The following NINL variants were observed in gnomAD, a reference collection of about 807,000 sequenced individuals.
NINL encodes the protein ninein like, also known as ninein-like protein.
Under a neutral mutation model 160.3 loss-of-function variants are expected in NINL, and 153 were observed. The ratio of observed to expected loss-of-function variants is 0.95; its 90% CI spans 0.84 to 1.09. NINL has a LOEUF of 1.09. NINL is among the 50% of genes least tolerant of loss of function. The pLI is 0.00. For missense variants in NINL, 1,829 were observed against 1,764.0 expected (o/e 1.04, Z -0.66); for synonymous variants, 800 against 734.8 (o/e 1.09, Z -1.43).
At chr20:25,580,739 G>A (rs558477938) in intron 1 of NINL, among the ~76,000 whole-genome samples, 1 of 152,322 alleles carries the variant, frequency 6.6e-6, no homozygotes, top group East Asian at 1.9e-4. Flanking sequence ...GAATCCAGGA[G>A]GCTCAAAGTT....
At chr20:25,561,794 T>C (rs2064942400) in intron 1 of NINL, among the ~76,000 whole-genome samples, 1 of 145,388 alleles carries the variant, frequency 6.9e-6, no homozygotes, top group African/African-American at 2.6e-5. Flanking sequence ...ACCCTCCGCC[T>C]GGCAACCGCC....
Position 25,476,585 on chromosome 20 carries a change from G to A in NINL, c.2706C>T (p.Pro902=), listed in dbSNP as rs749881542. 14 of 1,598,986 alleles carry A rather than the reference G, an allele frequency of 8.8e-6. No individual in the cohort carries two copies. In the South Asian group the frequency reaches 1.2e-4, roughly 14 times the overall value. Residue 902 remains proline, a synonymous_variant, in exon 17 of 24, where the codon CCC becomes CCT. Coordinates refer to ENST00000278886, the MANE Select transcript of NINL (RefSeq NM_025176.6). The part of the protein sequence containing the change: ...APAPAPASHG[P]SERWSRMQPC... ...GCTGCATGCGTGACCACCTCTCTGA[G>A]GGGCCGTGGGATGCCGGGGCAGGGG...
At chr20:25,490,865 G>C (rs955181775) in intron 11 of NINL, among the ~76,000 whole-genome samples, 1 of 152,180 alleles carries the variant, frequency 6.6e-6, no homozygotes, top group Non-Finnish European at 1.5e-5. Flanking sequence ...GACCAGCACA[G>C]CAAGGGCCAG....
intron 21 of NINL, among the ~76,000 whole-genome samples, chr20:25,459,418 G>C (rs534451034): frequency 4.2e-4 from 64 of 152,322 alleles, no homozygotes; most frequent in African/African-American, 1.5e-3. Flanking sequence ...TCACCCCAGA[G>C]AGACACACCT....
intron 1 of NINL, among the ~76,000 whole-genome samples, chr20:25,584,146 T>C (rs2065203062): frequency 6.6e-6 from 1 of 151,986 alleles, no homozygotes; most frequent in Non-Finnish European, 1.5e-5. Context: ...GAACTTAAAG[T>C]AAAATAAAAT....
At chr20:25,508,999 A>C (rs1460221461) in intron 5 of NINL, among the ~76,000 whole-genome samples, 1 of 152,108 alleles carries the variant, frequency 6.6e-6, no homozygotes, top group Non-Finnish European at 1.5e-5. Context: ...ATGTGGCTTC[A>C]AATTTCTTTG....
chr20:25,490,080 G>T (rs925696506), intron 11 of NINL, 95 bp from the exon 12 acceptor site: 26 of 1,156,792 alleles, frequency 2.2e-5, no homozygotes, highest in Non-Finnish European at 1.0e-5. Context: ...ATAGGACTGG[G>T]CATCAGGAAA....
intron 5 of NINL, among the ~76,000 whole-genome samples, chr20:25,507,095 C>T (rs765601903): frequency 6.6e-6 from 1 of 152,182 alleles, no homozygotes; most frequent in Non-Finnish European, 1.5e-5. Context: ...ATAGCCCATG[C>T]CTTTTTAAAG....
At chr20:25,553,104 G>T (rs73597818) in intron 1 of NINL, among the ~76,000 whole-genome samples, 29,496 of 100,806 alleles carry the variant, frequency 0.29, 4,349 homozygotes, top group East Asian at 0.6. Context: ...CCCTTGTTGG[G>T]TTTTTTTTTT....
At chr20:25,562,127 G>T (rs1162063939) in intron 1 of NINL, among the ~76,000 whole-genome samples, 1 of 139,470 alleles carries the variant, frequency 7.2e-6, no homozygotes, top group Non-Finnish European at 1.5e-5. Flanking sequence ...GGAGGTGGGG[G>T]TGTCAGCCCC....
chr20:25,509,600 G>A, intron 5 of NINL: 1 of 452,522 alleles, frequency 2.2e-6, no homozygotes, highest in South Asian at 1.6e-5. Context: ...TAGCCAGGCT[G>A]CCAGCTTCAC....
rs1166276798 is a variant in NINL, at chr20:25,555,271, TAC to T, written c.-11-28675_-11-28674del. The stretch of plus-strand genomic sequence containing the variant: ...GCTCTCAGGCACCTCTTCCGTAACG[TAC>T]AGACAGGCCCCACAACAAAGCAGCC... On this transcript the variant is annotated intron_variant, in intron 1 of 23. Coordinates refer to ENST00000278886, the MANE Select transcript of NINL (RefSeq NM_025176.6). 2.6e-5 allele frequency among the ~76,000 whole-genome samples: 4 copies of T among 152,220 alleles called. No homozygotes were observed. The South Asian group carries it at 8.3e-4, about 32-fold the overall frequency.
chr20:25,501,200 T>G (rs1238816639), intron 7 of NINL, among the ~76,000 whole-genome samples, 190 bp from the exon 8 acceptor site: 1 of 152,242 alleles, frequency 6.6e-6, no homozygotes, highest in Non-Finnish European at 1.5e-5. Context: ...GTCACATGGC[T>G]GTGCAGGTAA....
intron 1 of NINL, among the ~76,000 whole-genome samples, chr20:25,583,787 C>T (rs1449975756): frequency 1.3e-5 from 2 of 152,122 alleles, no homozygotes; most frequent in African/African-American, 4.8e-5. Flanking sequence ...TGGAATACTA[C>T]GTAGCCATAA....
At chr20:25,486,334 T>G (rs568601638) in intron 13 of NINL, among the ~76,000 whole-genome samples, 3 of 152,120 alleles carry the variant, frequency 2.0e-5, no homozygotes, top group African/African-American at 7.2e-5. Context: ...AAAAATAAAA[T>G]TGAAAGAACC....
chr20:25,454,752 A>G (rs6138571), intron 23 of NINL, among the ~76,000 whole-genome samples: 69,026 of 151,964 alleles, frequency 0.45, 16,280 homozygotes, highest in East Asian at 0.92. Flanking sequence ...ATCAGCCCTC[A>G]GGGCACAGCA....
chr20:25,502,920 C>T (rs1374953105), intron 7 of NINL, among the ~76,000 whole-genome samples: 5 of 152,252 alleles, frequency 3.3e-5, no homozygotes, highest in African/African-American at 1.2e-4. Context: ...TTATAAATTG[C>T]CCAGTCTCAA....
chr20:25,501,208 T>C (rs1473359806), intron 7 of NINL, among the ~76,000 whole-genome samples, 198 bp from the exon 8 acceptor site: 1 of 152,132 alleles, frequency 6.6e-6, no homozygotes, highest in East Asian at 1.9e-4. Flanking sequence ...GCTGTGCAGG[T>C]AAGAAAGTCG....
In NINL at chr20:25,489,996, C is replaced by T. The variant is rs752570471; in HGVS notation, c.1486-11G>A. ...TAGGCGACTGTTTTCCTAGGAGACA[C>T]AGGCCAGTGGCTCATCAGGCTCCTG... On this transcript the variant is annotated splice_polypyrimidine_tract_variant and intron_variant, in intron 11 of 23. Coordinates refer to ENST00000278886, the MANE Select transcript of NINL (RefSeq NM_025176.6). 130 of 1,610,980 alleles carry T rather than the reference C, an allele frequency of 8.1e-5. No homozygotes were observed. The highest frequency in any genetic ancestry group is 1.0e-4 in the Non-Finnish European group (119 of 1,177,404).
Sources: allele counts gnomAD v4.1 joint callset (sites outside exome capture counted in the v4.1 genomes callset), GRCh38; gene constraint gnomAD v4.1.1; transcripts MANE v1.5; gene names NCBI Gene and HGNC (gene_info 2026-07-23, HGNC 2026-07-21).